Variants in COL26A1 observed in about 807,000 individuals in gnomAD.
The protein encoded by COL26A1 is collagen alpha-1(XXVI) chain.
A neutral mutation model predicts 59.3 loss-of-function variants in COL26A1; 41 were observed. That is an observed-to-expected ratio of 0.69 (90% confidence interval 0.54 to 0.90). COL26A1 has a LOEUF of 0.90. Among genes scored for constraint, COL26A1 ranks in the 40% least tolerant of loss-of-function variants. COL26A1 has a pLI of 0.00. For synonymous variants in COL26A1, 266 were observed against 256.0 expected (o/e 1.04, Z -0.37); for missense variants, 612 against 602.3 (o/e 1.02, Z -0.17).
At chr7:101,391,151 A>T (rs1235897485) in intron 1 of COL26A1, among the ~76,000 whole-genome samples, 1 of 152,130 alleles carries the variant, frequency 6.6e-6, no homozygotes, top group African/African-American at 2.4e-5. Flanking sequence ...GCAAAGAAAA[A>T]CATGGCCTGT....
intron 1 of COL26A1, among the ~76,000 whole-genome samples, chr7:101,385,705 AATTT>A (rs1017789420): frequency 2.7e-5 from 4 of 147,160 alleles, no homozygotes; most frequent in African/African-American, 1.0e-4. Flanking sequence ...TTAATTTTTT[AATTT>A]ATTTGTTTAT....
chr7:101,366,235 G>C (rs188023004), intron 1 of COL26A1, among the ~76,000 whole-genome samples: 1 of 152,190 alleles, frequency 6.6e-6, no homozygotes, highest in East Asian at 1.9e-4. Flanking sequence ...ACAGGCTGGA[G>C]CTGGCTTGGG....
chr7:101,467,319 C>G (rs1262151165), intron 3 of COL26A1, among the ~76,000 whole-genome samples: 1 of 148,830 alleles, frequency 6.7e-6, no homozygotes, highest in Non-Finnish European at 1.5e-5. Context: ...TAGAGAGGGG[C>G]TGCCGAGTGG....
At chr7:101,390,770 G>A (rs1791710259) in intron 1 of COL26A1, among the ~76,000 whole-genome samples, 1 of 152,172 alleles carries the variant, frequency 6.6e-6, no homozygotes, top group African/African-American at 2.4e-5. Context: ...CATGGAAGTG[G>A]ATGGAGAAGG....
In COL26A1 at chr7:101,473,022, A is replaced by G. The variant is rs111978019; in HGVS notation, c.385+25235A>G. Reference sequence around the variant, plus strand: ...TTGGAGTTTTCTTCTTTTTTTCTCAATTGCCTATATGTTTATCTTCCCAAC... The same window carrying G: ...TTGGAGTTTTCTTCTTTTTTTCTCAGTTGCCTATATGTTTATCTTCCCAAC... On this transcript the variant is annotated intron_variant, in intron 3 of 12. Coordinates refer to ENST00000313669, the MANE Select transcript of COL26A1 (RefSeq NM_001278563.3). Among the ~76,000 whole-genome samples, 864 of 150,156 alleles carry G rather than the reference A, an allele frequency of 5.8e-3. 10 individuals are homozygous for G. The highest frequency in any genetic ancestry group is 0.018 in the African/African-American group (756 of 40,950).
chr7:101,387,348 T>G (rs915641052), intron 1 of COL26A1, among the ~76,000 whole-genome samples: 1 of 151,216 alleles, frequency 6.6e-6, no homozygotes, highest in Non-Finnish European at 1.5e-5. Context: ...AGCACAGATG[T>G]TTAGGTGAAA....
Position 101,557,561 on chromosome 7 carries a change from G to T in COL26A1, c.*31G>T, listed in dbSNP as rs779576692. 24 of 1,575,214 alleles carry T rather than the reference G, an allele frequency of 1.5e-5. No individual in the cohort carries two copies. In the South Asian group the frequency reaches 2.6e-4, roughly 17 times the overall value. On this transcript the variant is annotated 3_prime_UTR_variant, in exon 13 of 13. Transcript: ENST00000313669. ...CACTGCTCCAGGACACCCTGTCCTG[G>T]CTAGAGACCCAGCCCCAGAGGCCTG...
chr7:101,553,629 G>A (rs3800981), intron 11 of COL26A1, among the ~76,000 whole-genome samples: 5,352 of 152,214 alleles, frequency 0.035, 136 homozygotes, highest in Admixed American at 0.078. Flanking sequence ...TGGCCCTTGG[G>A]GGGGCTTCCC....
At chr7:101,498,865 T>G (rs1794642513) in intron 3 of COL26A1, among the ~76,000 whole-genome samples, 1 of 152,042 alleles carries the variant, frequency 6.6e-6, no homozygotes, top group African/African-American at 2.4e-5. Flanking sequence ...TGGTGCTGGC[T>G]CCCCACCGCG....
At chr7:101,402,656 TTCCTTCCCTCCCTCCC>T (rs1236566064) in intron 1 of COL26A1, among the ~76,000 whole-genome samples, 3 of 100,004 alleles carry the variant, frequency 3.0e-5, no homozygotes, top group Non-Finnish European at 4.0e-5. Context: ...CCTTCCTTCC[TTCCTTCCCTCCCTCCC>T]TCCTTCCCTC....
chr7:101,426,108 A>G (rs1792641518), intron 2 of COL26A1, among the ~76,000 whole-genome samples: 1 of 152,244 alleles, frequency 6.6e-6, no homozygotes, highest in South Asian at 2.1e-4. Flanking sequence ...TACAGGCATG[A>G]GCTGCTGCGT....
chr7:101,384,034 G>C (rs1791509010), intron 1 of COL26A1, among the ~76,000 whole-genome samples: 1 of 144,650 alleles, frequency 6.9e-6, no homozygotes, highest in African/African-American at 2.7e-5. Flanking sequence ...ATTTATTTGA[G>C]ACAGGGTCTC....
At chr7:101,471,584 T>G (rs1250841035) in intron 3 of COL26A1, among the ~76,000 whole-genome samples, 3 of 94,024 alleles carry the variant, frequency 3.2e-5, no homozygotes, top group South Asian at 4.5e-4. Flanking sequence ...TTTTTTTTTT[T>G]TTTTTTTTTT....
At chr7:101,554,759 C>A (rs975626854) in intron 11 of COL26A1, among the ~76,000 whole-genome samples, 13 of 151,770 alleles carry the variant, frequency 8.6e-5, no homozygotes, top group Admixed American at 1.3e-4. Flanking sequence ...CCTAAAAAAA[C>A]CCCAAAAAAC....
intron 1 of COL26A1, among the ~76,000 whole-genome samples, chr7:101,371,464 C>A (rs1164955930): frequency 6.8e-6 from 1 of 147,382 alleles, no homozygotes; most frequent in Admixed American, 6.9e-5. Context: ...GCTGGGACAA[C>A]ATAGCCAGAC....
intron 1 of COL26A1, 142 bp downstream of exon 1, chr7:101,363,332 T>TG (rs1790948500): frequency 7.7e-6 from 2 of 258,968 alleles, no homozygotes; most frequent in African/African-American, 6.3e-5. Flanking sequence ...CAGCGGGGAC[T>TG]GGGGGCTGCA....
intron 1 of COL26A1, among the ~76,000 whole-genome samples, chr7:101,402,638 C>T (rs1792037283): frequency 1.5e-5 from 1 of 64,798 alleles, no homozygotes; most frequent in African/African-American, 5.3e-5. Context: ...TCTCCCCTCC[C>T]CTCCCTCCCT....
intron 3 of COL26A1, among the ~76,000 whole-genome samples, chr7:101,489,850 CTTT>C (rs1794404807): frequency 3.4e-5 from 1 of 28,988 alleles, no homozygotes; most frequent in Non-Finnish European, 5.8e-5. Flanking sequence ...TTCTTTCTTT[CTTT>C]CTTTCTTTCT....
At chr7:101,452,718 C>T (rs1197629644) in intron 3 of COL26A1, among the ~76,000 whole-genome samples, 1 of 151,304 alleles carries the variant, frequency 6.6e-6, no homozygotes, top group Non-Finnish European at 1.5e-5. Context: ...TGTATATCAA[C>T]ATATCTACAC....
Sources: gnomAD v4.1 joint callset for allele counts (sites outside exome capture counted in the v4.1 genomes callset) on GRCh38, gnomAD v4.1.1 for gene constraint, MANE v1.5 for transcripts, NCBI Gene and HGNC (gene_info 2026-07-23, HGNC 2026-07-21) for gene names.